Variants in GAPVD1 observed in about 807,000 individuals in gnomAD.
GAPVD1 encodes the protein GTPase-activating protein and VPS9 domain-containing protein 1.
GAPVD1 carries 35 observed loss-of-function variants against 155.5 expected under a neutral mutation model. That is an observed-to-expected ratio of 0.23 (90% CI 0.17 to 0.30). GAPVD1 has a LOEUF of 0.30. GAPVD1 is among the 10% of genes least tolerant of loss of function. The probability of loss-of-function intolerance (pLI) is 1.00; values close to 1 mark genes in which losing one functional copy is unlikely to be tolerated. For synonymous variants in GAPVD1, 636 were observed against 619.7 expected (o/e 1.03, Z -0.39); for missense variants, 1,429 against 1,775.7 (o/e 0.80, Z 3.51).
At chr9:125,286,557 T>C (rs1472865993) in intron 2 of GAPVD1, among the ~76,000 whole-genome samples, 1 of 152,164 alleles carries the variant, frequency 6.6e-6, no homozygotes, top group Non-Finnish European at 1.5e-5. Context: ...ATTTTAGGTA[T>C]GCCTAATGTT....
chr9:125,300,095 G>A lies in GAPVD1; in HGVS notation c.185+989G>A, dbSNP rs868819893. Among the ~76,000 whole-genome samples the A allele has an allele frequency of 7.9e-5, 7 of 88,354 alleles. 1 individual carries two copies. The highest frequency in any genetic ancestry group is 8.5e-4 in the South Asian group (2 of 2,364). 58.0% of individuals were successfully genotyped at this position (88,354 alleles called of 152,430 possible). A position where few individuals can be genotyped will look rare whatever the true frequency, so the allele number is the denominator to read the frequency against. On this transcript the variant is annotated intron_variant, in intron 4 of 27. Coordinates refer to ENST00000297933, the MANE Select transcript of GAPVD1 (RefSeq NM_001282680.3). ...TATATATATATATATATATATATATGTATTTCCATGTTTTGATATTGTATA... is the reference window on the plus strand; with the variant it reads ...TATATATATATATATATATATATATATATTTCCATGTTTTGATATTGTATA...
chr9:125,346,659 T>C (rs933323281), intron 19 of GAPVD1, 160 bp from the exon 20 acceptor site: 9 of 685,416 alleles, frequency 1.3e-5, no homozygotes, highest in Admixed American at 4.1e-5. Flanking sequence ...AGAAATGGGA[T>C]GAGTAGGCAG....
rs1564393084 is a variant in GAPVD1, at chr9:125,323,781, T to C, written c.1733-17T>C. ...ACTGTTTTAAAAAGATTGCTCACACTATAAACATTTCTCTAGGTCCTTCAA... is the reference window on the plus strand; with the variant it reads ...ACTGTTTTAAAAAGATTGCTCACACCATAAACATTTCTCTAGGTCCTTCAA... On this transcript the variant is annotated splice_polypyrimidine_tract_variant and intron_variant, in intron 10 of 27. Transcript: ENST00000297933. The C allele has an allele frequency of 1.9e-6, 3 of 1,613,142 alleles. No individual in the cohort carries two copies. The highest frequency in any genetic ancestry group is 2.5e-6 in the Non-Finnish European group (3 of 1,179,254).
Position 125,307,422 on chromosome 9 carries a change from G to A in GAPVD1, c.1126G>A (p.Ala376Thr). ...TTTCCTGTTTTAACAGAGCTGTGTT[G>A]CCGCTTTCCTTGATGTTGTGATTGG... ...SLGKFDKSCV[A>T]AFLDVVIGGR... is the part of the protein sequence containing the mutation. The change falls in exon 7 of 28, where the codon GCC (alanine) becomes ACC (threonine). Residue 376 changes from alanine (A) to threonine (T), a missense_variant. This residue lies in a region of GAPVD1 where 628 missense variants were observed against 733.4 expected (regional missense o/e 0.86). Transcript: ENST00000297933. The A allele has an allele frequency of 1.9e-6, 3 of 1,603,842 alleles. No homozygotes were observed. The highest frequency in any genetic ancestry group is 2.5e-6 in the Non-Finnish European group (3 of 1,176,506).
chr9:125,319,538 A>G (rs1025980388), intron 9 of GAPVD1, among the ~76,000 whole-genome samples: 26 of 146,224 alleles, frequency 1.8e-4, no homozygotes, highest in Non-Finnish European at 3.3e-4. Flanking sequence ...AGCTGGGATT[A>G]CAGGTGTGTG....
intron 2 of GAPVD1, among the ~76,000 whole-genome samples, chr9:125,286,244 G>T (rs1837676610): frequency 6.6e-6 from 1 of 152,184 alleles, no homozygotes; most frequent in Admixed American, 6.6e-5. Context: ...CTCCCAAGCA[G>T]CTGAGATAAC....
At chr9:125,310,173 A>G (rs981904020) in intron 8 of GAPVD1, among the ~76,000 whole-genome samples, 1 of 152,218 alleles carries the variant, frequency 6.6e-6, no homozygotes, top group South Asian at 2.1e-4. Context: ...GTTATGATTC[A>G]TAGATCTGTT....
chr9:125,269,362 AT>A (rs1834503423), intron 2 of GAPVD1, among the ~76,000 whole-genome samples: 1 of 152,032 alleles, frequency 6.6e-6, no homozygotes, highest in Admixed American at 6.6e-5. Context: ...TCTGGAGTTA[AT>A]TTTCTGTTAA....
intron 8 of GAPVD1, among the ~76,000 whole-genome samples, 197 bp from the exon 9 acceptor site, chr9:125,312,255 G>T (rs1018691687): frequency 6.6e-6 from 1 of 152,114 alleles, no homozygotes; most frequent in Admixed American, 6.6e-5. Flanking sequence ...TTTTGAAGGA[G>T]AATCTTTATT....
At chr9:125,334,611 A>C (rs1239123673) in intron 15 of GAPVD1, among the ~76,000 whole-genome samples, 1 of 152,118 alleles carries the variant, frequency 6.6e-6, no homozygotes, top group East Asian at 1.9e-4. Context: ...AAAAATTAAC[A>C]AAGTGTGGCC....
chr9:125,284,938 A>G (rs1009295013), intron 2 of GAPVD1, among the ~76,000 whole-genome samples: 1 of 152,222 alleles, frequency 6.6e-6, no homozygotes, highest in Non-Finnish European at 1.5e-5. Context: ...GAGTTTCACC[A>G]TGGTTGACTG....
At chr9:125,286,715 A>C (rs967184794) in intron 2 of GAPVD1, among the ~76,000 whole-genome samples, 1 of 152,108 alleles carries the variant, frequency 6.6e-6, no homozygotes, top group African/African-American at 2.4e-5. Context: ...GAGATGCCCT[A>C]TGCCTTTGAG....
In GAPVD1 at chr9:125,341,221, C is replaced by A. The variant is rs761515911; in HGVS notation, c.2922C>A (p.Asn974Lys). 1 of 1,605,814 alleles carries A rather than the reference C, an allele frequency of 6.2e-7. No individual in the cohort carries two copies. Among genetic ancestry groups the A allele is most frequent in the Non-Finnish European group, 8.5e-7 (1 of 1,173,380 alleles). Reference protein sequence around the residue: ...KDSDDEKSDRNRPWWRKRFVS... With the variant: ...KDSDDEKSDRKRPWWRKRFVS... The stretch of plus-strand genomic sequence containing the variant: ...GCGATGATGAGAAATCAGACAGGAA[C>A]AGACCTTGGTGGAGAAAACGTTTTG... The change falls in exon 18 of 28, where the codon AAC becomes AAA. Residue 974 changes from asparagine to lysine, a missense_variant. Around this residue, in one of 4 missense-constraint regions of GAPVD1, gnomAD observed 699 missense variants for 826.0 expected, o/e 0.85. Coordinates refer to ENST00000297933, the MANE Select transcript of GAPVD1 (RefSeq NM_001282680.3).
chr9:125,288,791 A>G (rs1838133537), intron 2 of GAPVD1, among the ~76,000 whole-genome samples: 1 of 152,220 alleles, frequency 6.6e-6, no homozygotes, highest in African/African-American at 2.4e-5. Flanking sequence ...TTTCTTATGG[A>G]GTTCAGATTT....
At chr9:125,318,267 G>A (rs999899096) in intron 9 of GAPVD1, among the ~76,000 whole-genome samples, 3 of 152,218 alleles carry the variant, frequency 2.0e-5, no homozygotes, top group African/African-American at 4.8e-5. Flanking sequence ...GATTAGAGGC[G>A]TGAGCCACTG....
rs1845205601 is a variant in GAPVD1 at position 125,326,542 on chromosome 9, G to A, written c.1985G>A (p.Ser662Asn). Residue 662 changes from serine (S) to asparagine (N), a missense_variant, in exon 12 of 28, where the codon AGT becomes AAT. By Grantham distance (46) the Ser-to-Asn change is conservative. Around this residue, in one of 4 missense-constraint regions of GAPVD1, gnomAD observed 699 missense variants for 826.0 expected, o/e 0.85. Coordinates refer to ENST00000297933, the MANE Select transcript of GAPVD1 (RefSeq NM_001282680.3). ...SETWSTDVLG[S>N]DFDPNIDEDR... Reference sequence around the variant, plus strand: ...ACCTGGAGTACAGACGTCTTGGGAAGTGACTTTGACCCTAATATTGATGAA... The same window carrying A: ...ACCTGGAGTACAGACGTCTTGGGAAATGACTTTGACCCTAATATTGATGAA... 3 of 1,613,058 alleles carry A rather than the reference G, an allele frequency of 1.9e-6. No homozygotes were observed. Among genetic ancestry groups the A allele is most frequent in the African/African-American group, 2.7e-5 (2 of 74,924 alleles).
chr9:125,272,835 C>G (rs1450537234), intron 2 of GAPVD1, among the ~76,000 whole-genome samples: 1 of 152,154 alleles, frequency 6.6e-6, no homozygotes, highest in Non-Finnish European at 1.5e-5. Flanking sequence ...TGTTTACATT[C>G]TTTAATTTTG....
At chr9:125,298,097 T>C (rs1840163113) in intron 3 of GAPVD1, among the ~76,000 whole-genome samples, 1 of 152,052 alleles carries the variant, frequency 6.6e-6, no homozygotes, top group Admixed American at 6.6e-5. Flanking sequence ...ACTCTAGAAG[T>C]ACAAGAAAGG....
chr9:125,263,175 G>T (rs539678750), intron 1 of GAPVD1, among the ~76,000 whole-genome samples: 1 of 152,210 alleles, frequency 6.6e-6, no homozygotes, highest in Non-Finnish European at 1.5e-5. Context: ...TGAGGTCCGT[G>T]CACAAAAAGA....
Sources: allele counts gnomAD v4.1 joint callset (sites outside exome capture counted in the v4.1 genomes callset), GRCh38; gene constraint gnomAD v4.1.1; regional missense constraint gnomAD v4.1.1; transcripts MANE v1.5; gene names NCBI Gene and HGNC (gene_info 2026-07-23, HGNC 2026-07-21).